The following WDR7 variants were observed in gnomAD, a reference collection of about 807,000 sequenced individuals.
WDR7 encodes the protein WD repeat domain 7, also known as WD repeat-containing protein 7.
A neutral mutation model predicts 169.4 loss-of-function variants in WDR7; 46 were observed. That is an observed-to-expected ratio of 0.27 (90% CI 0.21 to 0.35). WDR7 has a LOEUF of 0.35. Ranked by LOEUF, WDR7 falls within the 10% of genes least tolerant of loss-of-function variation. The pLI, the probability that WDR7 is intolerant of heterozygous loss-of-function variation, is 1.00. For missense variants in WDR7, 1,534 were observed against 1,859.3 expected, an observed-to-expected ratio of 0.83 and a Z score of 3.22; for synonymous variants, 612 against 666.8, an observed-to-expected ratio of 0.92 and a Z score of 1.27.
chr18:56,681,451 T>G, intron 4 of WDR7, 60 bp downstream of exon 4: 1 of 1,096,828 alleles, frequency 9.1e-7, no homozygotes, highest in Non-Finnish European at 1.3e-6. Context: ...ATTTAAAATA[T>G]TTTTAAAACA....
intron 1 of WDR7, among the ~76,000 whole-genome samples, chr18:56,662,236 C>T (rs2024919743): frequency 6.6e-6 from 1 of 152,194 alleles, no homozygotes; most frequent in Non-Finnish European, 1.5e-5. Context: ...TATTGACTAT[C>T]CTGTGAAAAC....
At chr18:56,879,909 T>A (rs762197078) in intron 20 of WDR7, 35 bp from the exon 21 acceptor site, 20 of 1,517,332 alleles carry the variant, frequency 1.3e-5, no homozygotes, top group Non-Finnish European at 9.1e-7. Flanking sequence ...TATATTGATT[T>A]GTTCTAAGTT....
intron 20 of WDR7, among the ~76,000 whole-genome samples, chr18:56,862,385 TTG>T (rs1195937947): frequency 1.3e-5 from 2 of 151,482 alleles, no homozygotes; most frequent in African/African-American, 4.8e-5. Flanking sequence ...AAACTCTCTC[TTG>T]TGTTTTTTAT....
intron 20 of WDR7, among the ~76,000 whole-genome samples, chr18:56,841,315 G>A (rs1289874788): frequency 6.6e-6 from 1 of 152,176 alleles, no homozygotes; most frequent in East Asian, 1.9e-4. Flanking sequence ...GCTGAGGCAG[G>A]CAGATCAGTT....
chr18:56,758,963 A>T lies in WDR7; in HGVS notation c.2848+10A>T. On this transcript the variant is annotated intron_variant, in intron 16 of 27. Coordinates refer to ENST00000254442, the MANE Select transcript of WDR7 (RefSeq NM_015285.3). ...GGACAGATTAAACAAGGTAAAATTA[A>T]ATCTTATTAAGTAATTGACATGACA... 1 of 1,602,084 alleles carries T rather than the reference A, an allele frequency of 6.2e-7. No homozygotes were observed. Among genetic ancestry groups the T allele is most frequent in the Non-Finnish European group, 8.5e-7 (1 of 1,171,772 alleles).
chr18:56,917,911 T>C (rs570098087), intron 21 of WDR7, among the ~76,000 whole-genome samples: 4 of 152,342 alleles, frequency 2.6e-5, no homozygotes, highest in African/African-American at 9.6e-5. Flanking sequence ...AAATTTGATA[T>C]GAATTAATAG....
chr18:56,792,481 T>C (rs1357892277), intron 19 of WDR7, among the ~76,000 whole-genome samples: 1 of 152,194 alleles, frequency 6.6e-6, no homozygotes, highest in African/African-American at 2.4e-5. Flanking sequence ...TTTCTTCTTG[T>C]GTAAAAGGAG....
intron 26 of WDR7, among the ~76,000 whole-genome samples, chr18:56,988,794 T>G (rs1657418): frequency 0.29 from 44,167 of 152,028 alleles, 6,553 homozygotes; most frequent in Admixed American, 0.32. Flanking sequence ...GGATGTTTGG[T>G]TTAGGAAATT....
intron 19 of WDR7, among the ~76,000 whole-genome samples, chr18:56,797,637 CTGAT>C (rs1244371888): frequency 6.6e-6 from 1 of 151,934 alleles, no homozygotes; most frequent in Non-Finnish European, 1.5e-5. Flanking sequence ...AATTCTTTAT[CTGAT>C]TGGTGATTAT....
intron 14 of WDR7, among the ~76,000 whole-genome samples, chr18:56,739,376 C>T (rs1300859246): frequency 6.6e-6 from 1 of 152,124 alleles, no homozygotes; most frequent in Non-Finnish European, 1.5e-5. Flanking sequence ...TCTGCTGGTG[C>T]TAGAGCCTTA....
chr18:56,708,407 C>T (rs1568150155), intron 12 of WDR7, among the ~76,000 whole-genome samples: 1 of 152,080 alleles, frequency 6.6e-6, no homozygotes, highest in Non-Finnish European at 1.5e-5. Context: ...GATTAAAAAT[C>T]GCTTGGTCAG....
At chr18:56,732,048 A>G (rs1188483886) in intron 14 of WDR7, among the ~76,000 whole-genome samples, 1 of 152,232 alleles carries the variant, frequency 6.6e-6, no homozygotes, top group Non-Finnish European at 1.5e-5. Context: ...ATTTAAGAAA[A>G]TGTTTCAGAA....
chr18:56,982,759 C>T (rs2047664433), intron 26 of WDR7, among the ~76,000 whole-genome samples: 1 of 152,152 alleles, frequency 6.6e-6, no homozygotes, highest in Admixed American at 6.5e-5. Flanking sequence ...CATAGGAGTA[C>T]ATTCTAAATT....
chr18:56,915,065 T>G (rs1052593018), intron 21 of WDR7, among the ~76,000 whole-genome samples: 1 of 152,178 alleles, frequency 6.6e-6, no homozygotes, highest in African/African-American at 2.4e-5. Flanking sequence ...ATTTCTTAAT[T>G]TAACAGTTAT....
intron 21 of WDR7, among the ~76,000 whole-genome samples, chr18:56,910,384 T>C (rs975559671): frequency 2.6e-5 from 4 of 152,206 alleles, no homozygotes; most frequent in African/African-American, 9.6e-5. Flanking sequence ...GGGAAGTTGA[T>C]ATGAAGATTA....
At chr18:56,860,222 C>T (rs531693403) in intron 20 of WDR7, among the ~76,000 whole-genome samples, 4 of 152,180 alleles carry the variant, frequency 2.6e-5, no homozygotes, top group Admixed American at 2.6e-4. Flanking sequence ...AAAATTAACT[C>T]GTATTCTATC....
In WDR7 at chr18:56,658,105, T is replaced by C. The variant is rs565878414; in HGVS notation, c.-20+6529T>C. Among the ~76,000 whole-genome samples, 8 of 152,254 alleles carry C rather than the reference T, an allele frequency of 5.3e-5. No homozygotes were observed. In the South Asian group the frequency reaches 1.7e-3, roughly 32 times the overall value. ...CTGGAGATATGTGACTTTGTTTTTTTGTTTTGTTTTGTTTTTGACACAGAA... is the reference window on the plus strand; with the variant it reads ...CTGGAGATATGTGACTTTGTTTTTTCGTTTTGTTTTGTTTTTGACACAGAA... On this transcript the variant is annotated intron_variant, in intron 1 of 27. Transcript: ENST00000254442.
At chr18:56,911,153 C>G (rs1256113142) in intron 21 of WDR7, among the ~76,000 whole-genome samples, 1 of 152,102 alleles carries the variant, frequency 6.6e-6, no homozygotes, top group Non-Finnish European at 1.5e-5. Flanking sequence ...AACACAGCCA[C>G]CACTTCTGGG....
chr18:56,919,387 C>A (rs1459676282), intron 21 of WDR7, among the ~76,000 whole-genome samples: 3 of 152,312 alleles, frequency 2.0e-5, no homozygotes, highest in Middle Eastern at 3.4e-3. Flanking sequence ...GGCCATGATG[C>A]AACTAAGTTA....
Sources: gnomAD v4.1 joint callset for allele counts (sites outside exome capture counted in the v4.1 genomes callset) on GRCh38, gnomAD v4.1.1 for gene constraint, MANE v1.5 for transcripts, NCBI Gene and HGNC (gene_info 2026-07-23, HGNC 2026-07-21) for gene names.